The following AUTS2 variants were observed in gnomAD, a reference collection of about 807,000 sequenced individuals.
AUTS2 encodes the protein activator of transcription and developmental regulator AUTS2.
A neutral mutation model predicts 112.4 loss-of-function variants in AUTS2; 17 were observed. That is an observed-to-expected ratio of 0.15 (90% CI 0.10 to 0.23). AUTS2 has a LOEUF of 0.23. Among genes scored for constraint, AUTS2 ranks in the 10% least tolerant of loss-of-function variants. The pLI, the probability that AUTS2 is intolerant of heterozygous loss-of-function variation, is 1.00. For missense variants in AUTS2, 1,510 were observed against 1,701.6 expected (o/e 0.89, Z 1.98); for synonymous variants, 751 against 702.7 (o/e 1.07, Z -1.09).
intron 1 of AUTS2, among the ~76,000 whole-genome samples, chr7:69,888,090 C>T (rs924123519): frequency 1.3e-5 from 2 of 151,914 alleles, no homozygotes; most frequent in African/African-American, 2.4e-5. Flanking sequence ...GCGGGAGGAT[C>T]GCTTGAGGCC....
intron 4 of AUTS2, among the ~76,000 whole-genome samples, chr7:70,345,944 T>C (rs1791475782): frequency 6.6e-6 from 1 of 152,158 alleles, no homozygotes. Flanking sequence ...GAATCTGTGG[T>C]TTTATAATCT....
intron 5 of AUTS2, among the ~76,000 whole-genome samples, chr7:70,609,223 C>T (rs1316864934): frequency 1.3e-5 from 2 of 152,122 alleles, no homozygotes; most frequent in Non-Finnish European, 2.9e-5. Context: ...CCCAACCCCT[C>T]CGCCCAGCCC....
chr7:70,626,467 A>T (rs982551845), intron 5 of AUTS2, among the ~76,000 whole-genome samples: 1 of 151,032 alleles, frequency 6.6e-6, no homozygotes, highest in Non-Finnish European at 1.5e-5. Context: ...CTCTAGGGCT[A>T]GGTACCAGAC....
At chr7:69,967,585 AT>A (rs1280860476) in intron 2 of AUTS2, among the ~76,000 whole-genome samples, 1 of 151,924 alleles carries the variant, frequency 6.6e-6, no homozygotes, top group Non-Finnish European at 1.5e-5. Flanking sequence ...GATTTTTCCT[AT>A]TTTTTCCACC....
chr7:70,507,861 C>T (rs1033180633), intron 5 of AUTS2, among the ~76,000 whole-genome samples: 1 of 152,096 alleles, frequency 6.6e-6, no homozygotes, highest in Non-Finnish European at 1.5e-5. Context: ...AGATGGGGCA[C>T]CTGAAAAGTG....
chr7:70,263,812 C>G (rs1255063712), intron 4 of AUTS2, among the ~76,000 whole-genome samples: 4 of 152,180 alleles, frequency 2.6e-5, no homozygotes, highest in African/African-American at 9.7e-5. Flanking sequence ...CATAATTGGT[C>G]TATACAGTGG....
chr7:69,719,479 T>C (rs1437639744), intron 1 of AUTS2, among the ~76,000 whole-genome samples: 1 of 152,138 alleles, frequency 6.6e-6, no homozygotes, highest in East Asian at 1.9e-4. Context: ...ACATTTACCA[T>C]GGAAACAAGA....
At chr7:69,861,140 C>T (rs1486853943) in intron 1 of AUTS2, among the ~76,000 whole-genome samples, 1 of 151,086 alleles carries the variant, frequency 6.6e-6, no homozygotes, top group Non-Finnish European at 1.5e-5. Flanking sequence ...AAGCAGGATT[C>T]AATATGCCTT....
intron 1 of AUTS2, among the ~76,000 whole-genome samples, chr7:69,887,136 A>G (rs1400278512): frequency 1.3e-5 from 2 of 151,934 alleles, no homozygotes; most frequent in African/African-American, 4.8e-5. Flanking sequence ...TCCTGGGGCC[A>G]GGTGCAGTGG....
intron 2 of AUTS2, among the ~76,000 whole-genome samples, chr7:70,083,059 T>C (rs1016186551): frequency 1.3e-5 from 2 of 152,168 alleles, no homozygotes; most frequent in African/African-American, 4.8e-5. Context: ...TTACTTCTGG[T>C]TAGTGAAATC....
chr7:70,489,878 T>C lies in AUTS2; in HGVS notation c.690+54097T>C, dbSNP rs549100948. ...ATGAGATACCCAGCAAAACCCCAAA[T>C]ATTTAGAAATTAAACAACATATTTC... On this transcript the variant is annotated intron_variant, in intron 5 of 18. Coordinates refer to ENST00000342771, the MANE Select transcript of AUTS2 (RefSeq NM_015570.4). 2.6e-5 allele frequency among the ~76,000 whole-genome samples: 4 copies of C among 152,268 alleles called. No homozygotes were observed. The East Asian group carries it at 7.7e-4, about 29-fold the overall frequency.
chr7:70,786,971 C>T (rs1315989610), intron 17 of AUTS2: 2 of 602,184 alleles, frequency 3.3e-6, no homozygotes, highest in Non-Finnish European at 5.9e-6. Context: ...TTTAACTTCC[C>T]CTGTCCCCAC....
intron 4 of AUTS2, among the ~76,000 whole-genome samples, chr7:70,174,598 G>C (rs569055839): frequency 6.6e-6 from 1 of 152,302 alleles, no homozygotes; most frequent in East Asian, 1.9e-4. Context: ...CTGACTCTTC[G>C]TAGGAGGCTA....
At chr7:70,327,554 C>A (rs779976753) in intron 4 of AUTS2, among the ~76,000 whole-genome samples, 1 of 152,312 alleles carries the variant, frequency 6.6e-6, no homozygotes, top group South Asian at 2.1e-4. Context: ...CAGAAGGTAA[C>A]TTGTAACATC....
At chr7:70,736,144 AAT>A (rs1222495321) in intron 6 of AUTS2, among the ~76,000 whole-genome samples, 1 of 152,046 alleles carries the variant, frequency 6.6e-6, no homozygotes, top group African/African-American at 2.4e-5. Flanking sequence ...ATAAAAATTT[AAT>A]ATATGATAAA....
chr7:69,649,650 A>G (rs559521707), intron 1 of AUTS2, among the ~76,000 whole-genome samples: 1 of 152,034 alleles, frequency 6.6e-6, no homozygotes, highest in Non-Finnish European at 1.5e-5. Context: ...TAGTGGATAC[A>G]TGTGAATTAT....
At chr7:70,108,450 A>G (rs1204955996) in intron 2 of AUTS2, among the ~76,000 whole-genome samples, 1 of 152,164 alleles carries the variant, frequency 6.6e-6, no homozygotes, top group African/African-American at 2.4e-5. Context: ...AGATAACGGT[A>G]TAATGAACCC....
chr7:70,087,620 C>T (rs775625268), intron 2 of AUTS2, among the ~76,000 whole-genome samples: 7 of 152,068 alleles, frequency 4.6e-5, no homozygotes, highest in South Asian at 4.2e-4. Context: ...CTACCCACCT[C>T]GGCCTCCCAA....
intron 3 of AUTS2, among the ~76,000 whole-genome samples, chr7:70,120,712 T>G (rs1272082373): frequency 6.6e-6 from 1 of 152,164 alleles, no homozygotes; most frequent in East Asian, 1.9e-4. Context: ...TAAAAAGAAA[T>G]TGACAAAAGA....
Sources: allele counts gnomAD v4.1 joint callset (sites outside exome capture counted in the v4.1 genomes callset), GRCh38; gene constraint gnomAD v4.1.1; transcripts MANE v1.5; gene names NCBI Gene and HGNC (gene_info 2026-07-23, HGNC 2026-07-21).